PTPRT: variants seen among roughly 807,000 people sequenced by gnomAD.
The protein encoded by PTPRT is protein tyrosine phosphatase receptor type T.
Under a neutral mutation model 176.8 loss-of-function variants are expected in PTPRT, and 56 were observed. The ratio of observed to expected loss-of-function variants is 0.32; its 90% confidence interval spans 0.26 to 0.40. PTPRT has a LOEUF of 0.40. Ranked by LOEUF, PTPRT falls within the 10% of genes least tolerant of loss-of-function variation. The pLI is 1.00. For missense variants in PTPRT, 1,540 were observed against 1,908.2 expected (o/e 0.81, Z 3.60); for synonymous variants, 783 against 739.0 (o/e 1.06, Z -0.96).
intron 7 of PTPRT, among the ~76,000 whole-genome samples, chr20:42,611,599 C>T (rs1243204704): frequency 6.6e-6 from 1 of 152,210 alleles, no homozygotes; most frequent in Non-Finnish European, 1.5e-5. Context: ...CTGCATAGCC[C>T]TCTCCATGTG....
intron 1 of PTPRT, among the ~76,000 whole-genome samples, chr20:42,998,133 AT>A (rs1371105213): frequency 6.6e-6 from 1 of 152,212 alleles, no homozygotes; most frequent in Non-Finnish European, 1.5e-5. Flanking sequence ...GAAAAGTAAA[AT>A]ATGCAAACAT....
intron 18 of PTPRT, among the ~76,000 whole-genome samples, chr20:42,138,296 A>C (rs915831630): frequency 6.6e-6 from 1 of 152,146 alleles, no homozygotes; most frequent in Non-Finnish European, 1.5e-5. Flanking sequence ...GAGGGAGGAG[A>C]GTGTGATGGA....
intron 1 of PTPRT, among the ~76,000 whole-genome samples, chr20:43,160,493 T>C (rs977274539): frequency 6.6e-6 from 1 of 152,154 alleles, no homozygotes; most frequent in African/African-American, 2.4e-5. Flanking sequence ...ATCTCACATA[T>C]GGCATCTTGT....
chr20:42,878,139 A>G (rs1015570818), intron 2 of PTPRT, among the ~76,000 whole-genome samples: 1 of 152,240 alleles, frequency 6.6e-6, no homozygotes, highest in Non-Finnish European at 1.5e-5. Flanking sequence ...ACAGAGATGT[A>G]TGTACAAGAA....
At position 43,047,700 on chromosome 20, in the gene PTPRT, TG is replaced by T. The variant is rs1342400877; in HGVS notation, c.88+141945del. Among the ~76,000 whole-genome samples, 3 of 152,188 alleles carry T rather than the reference TG, an allele frequency of 2.0e-5. No homozygotes were observed. The East Asian group carries it at 5.8e-4, about 29-fold the overall frequency. On this transcript the variant is annotated intron_variant, in intron 1 of 30. Coordinates refer to ENST00000373187, the MANE Select transcript of PTPRT (RefSeq NM_007050.6). ...CTAATCATACTAATGATGATGATGA[TG>T]ATGATGACACCGATGACAATGATGA...
chr20:43,150,115 T>G (rs1032644537), intron 1 of PTPRT, among the ~76,000 whole-genome samples: 1 of 152,158 alleles, frequency 6.6e-6, no homozygotes. Context: ...ACCTTGGAAG[T>G]ACACATTCTC....
At chr20:42,943,304 T>C (rs1980680532) in intron 1 of PTPRT, among the ~76,000 whole-genome samples, 1 of 152,154 alleles carries the variant, frequency 6.6e-6, no homozygotes, top group Non-Finnish European at 1.5e-5. Context: ...GATCATCAGC[T>C]CCTGGAAGTG....
At chr20:42,140,359 T>C (rs1600577625) in intron 18 of PTPRT, among the ~76,000 whole-genome samples, 1 of 152,332 alleles carries the variant, frequency 6.6e-6, no homozygotes, top group East Asian at 1.9e-4. Flanking sequence ...TGTAGACTCC[T>C]GTTCTAATTA....
chr20:43,044,393 A>G (rs1333529455), intron 1 of PTPRT, among the ~76,000 whole-genome samples: 1 of 152,178 alleles, frequency 6.6e-6, no homozygotes, highest in Non-Finnish European at 1.5e-5. Context: ...CTCTCCAGGA[A>G]GACTTGCACA....
intron 1 of PTPRT, among the ~76,000 whole-genome samples, chr20:43,108,713 G>A (rs559488435): frequency 1.3e-3 from 205 of 152,156 alleles, no homozygotes; most frequent in Non-Finnish European, 2.6e-3. Context: ...GTTGGCGTGG[G>A]GGATAGAGGG....
intron 7 of PTPRT, among the ~76,000 whole-genome samples, chr20:42,608,128 C>G (rs1169225484): frequency 1.3e-5 from 2 of 152,148 alleles, no homozygotes; most frequent in African/African-American, 2.4e-5. Context: ...CATCCAGACT[C>G]CAGGCTCCAA....
intron 2 of PTPRT, among the ~76,000 whole-genome samples, chr20:42,855,801 T>G (rs2078553367): frequency 6.6e-6 from 1 of 152,144 alleles, no homozygotes; most frequent in South Asian, 2.1e-4. Context: ...ACAGAAAAGC[T>G]GAATGATATA....
chr20:42,472,904 A>C (rs2071223964), intron 7 of PTPRT, among the ~76,000 whole-genome samples: 1 of 152,062 alleles, frequency 6.6e-6, no homozygotes, highest in Admixed American at 6.5e-5. Flanking sequence ...CACACAGCAC[A>C]CTCCTCGCTT....
intron 2 of PTPRT, among the ~76,000 whole-genome samples, chr20:42,846,041 T>C (rs771833983): frequency 1.3e-5 from 2 of 152,162 alleles, no homozygotes; most frequent in Non-Finnish European, 2.9e-5. Flanking sequence ...ACAAGGCAGC[T>C]GAGGGCCTCA....
At chr20:42,551,044 T>C (rs192035152) in intron 7 of PTPRT, among the ~76,000 whole-genome samples, 8 of 152,262 alleles carry the variant, frequency 5.3e-5, no homozygotes, top group Admixed American at 2.0e-4. Context: ...GGTGTATAAA[T>C]TGGGGTAATG....
At chr20:42,055,312 A>T in the PTPRT span, among the ~76,000 whole-genome samples, 2 of 152,216 alleles carry the variant, frequency 1.3e-5, no homozygotes, top group Non-Finnish European at 2.9e-5. Flanking sequence ...AACCTGGTTT[A>T]TCACCTCTTT....
chr20:42,545,653 T>G (rs1034607994), intron 7 of PTPRT, among the ~76,000 whole-genome samples: 1 of 152,158 alleles, frequency 6.6e-6, no homozygotes, highest in African/African-American at 2.4e-5. Flanking sequence ...CAATCTTGAT[T>G]GAAAATCTTT....
At chr20:42,818,942 A>G (rs1436384871) in intron 2 of PTPRT, among the ~76,000 whole-genome samples, 2 of 152,212 alleles carry the variant, frequency 1.3e-5, no homozygotes, top group Admixed American at 6.5e-5. Context: ...TAGCAGAAAG[A>G]GATGGGGAGA....
At chr20:42,036,281 G>A in the PTPRT span, among the ~76,000 whole-genome samples, 1 of 152,152 alleles carries the variant, frequency 6.6e-6, no homozygotes, top group Admixed American at 6.6e-5. Flanking sequence ...TCAGGGCACC[G>A]GTCACATCTG....
Sources: allele counts gnomAD v4.1 joint callset (sites outside exome capture counted in the v4.1 genomes callset), GRCh38; gene constraint gnomAD v4.1.1; transcripts MANE v1.5; gene names NCBI Gene and HGNC (gene_info 2026-07-23, HGNC 2026-07-21).